Variants in PPP2R2C observed in about 807,000 individuals in gnomAD.
PPP2R2C encodes the protein protein phosphatase 2 regulatory subunit Bgamma, also known as protein phosphatase 2, regulatory subunit B, gamma.
PPP2R2C carries 10 observed loss-of-function variants against 45.3 expected under a neutral mutation model. The ratio of observed to expected loss-of-function variants is 0.22; its 90% CI spans 0.14 to 0.37. The LOEUF (loss-of-function observed/expected upper bound fraction) is 0.37, where lower values mean the gene tolerates loss of function less well. Among genes scored for constraint, PPP2R2C ranks in the 10% least tolerant of loss-of-function variants. The pLI is 1.00. For missense variants in PPP2R2C, 308 were observed against 619.7 expected (o/e 0.50, Z 5.34); for synonymous variants, 257 against 245.4 (o/e 1.05, Z -0.44).
chr4:6,355,421 T>A (rs1026021795), intron 5 of PPP2R2C, among the ~76,000 whole-genome samples: 2 of 152,018 alleles, frequency 1.3e-5, no homozygotes, highest in African/African-American at 4.8e-5. Context: ...TAATGCTAGA[T>A]GACGAGTTAG....
intron 1 of PPP2R2C, among the ~76,000 whole-genome samples, chr4:6,386,886 T>G (rs1716253712): frequency 6.6e-6 from 1 of 152,068 alleles, no homozygotes; most frequent in African/African-American, 2.4e-5. Context: ...CAGAGAAATA[T>G]AAACAATTTA....
chr4:6,380,992 C>T lies in PPP2R2C; in HGVS notation c.168+5G>A, dbSNP rs745734094. On this transcript the variant is annotated splice_donor_5th_base_variant and intron_variant, in intron 2 of 8. Coordinates refer to ENST00000382599, the MANE Select transcript of PPP2R2C (RefSeq NM_020416.4). ...CCACCTCCCACCAGACCCAGGGCTT[C>T]GCACCTCTGGTTCCCGCTGGAAGAT... 2.6e-6 allele frequency: 4 copies of T among 1,514,058 alleles called. No homozygotes were observed. Among genetic ancestry groups the T allele is most frequent in the Non-Finnish European group, 3.6e-6 (4 of 1,125,132 alleles). 93.8% of individuals were successfully genotyped at this position (1,514,058 alleles called of 1,614,324 possible). A position where few individuals can be genotyped will look rare whatever the true frequency, so the allele number is the denominator to read the frequency against.
Position 6,471,952 on chromosome 4 carries a change from C to A in PPP2R2C, c.70+208G>T, listed in dbSNP as rs962187342. 6.7e-6 allele frequency among the ~76,000 whole-genome samples: 1 copy of A among 148,656 alleles called. No individual in the cohort carries two copies. The highest frequency in any genetic ancestry group is 2.1e-4 in the South Asian group (1 of 4,672). On this transcript the variant is annotated intron_variant, in intron 1 of 8. Transcript: ENST00000382599. This position sits in a 1 kb window ranked among gnomAD's most constrained non-coding sequence, Gnocchi z 5.6. ...GCTGCCCTGTGCCGGCGCTGGGCAG[C>A]GGAGGCCGGTACCCTCGGGCTCCCT...
intron 1 of PPP2R2C, chr4:6,414,050 G>GACAGTAAC (rs1313051061): frequency 6.6e-7 from 1 of 1,506,168 alleles, no homozygotes; most frequent in African/African-American, 1.4e-5. Flanking sequence ...TTATGCATGG[G>GACAGTAAC]ACAGTAACAT....
intron 5 of PPP2R2C, chr4:6,351,413 G>C: frequency 6.1e-6 from 6 of 980,854 alleles, no homozygotes; most frequent in Non-Finnish European, 7.3e-6. Flanking sequence ...CGGCAACCCA[G>C]GGCCGGCTGA....
At chr4:6,325,926 G>A (rs1374493637) in intron 8 of PPP2R2C, among the ~76,000 whole-genome samples, 1 of 152,214 alleles carries the variant, frequency 6.6e-6, no homozygotes, top group Non-Finnish European at 1.5e-5. Context: ...TGTAATCCCA[G>A]CTACTTGGGA....
At chr4:6,397,095 C>G (rs531602915) in intron 1 of PPP2R2C, among the ~76,000 whole-genome samples, 1 of 152,272 alleles carries the variant, frequency 6.6e-6, no homozygotes, top group Non-Finnish European at 1.5e-5. Context: ...AGGAATCCTT[C>G]AATCCCAGTG....
At chr4:6,360,661 C>T (rs977556831) in intron 5 of PPP2R2C, among the ~76,000 whole-genome samples, 1 of 152,250 alleles carries the variant, frequency 6.6e-6, no homozygotes, top group Non-Finnish European at 1.5e-5. Context: ...TGAAAAACTG[C>T]TTTTTCAGCA....
At chr4:6,436,937 G>T (rs1341327649) in intron 1 of PPP2R2C, among the ~76,000 whole-genome samples, 1 of 152,132 alleles carries the variant, frequency 6.6e-6, no homozygotes, top group East Asian at 1.9e-4. Context: ...TTCACAGATG[G>T]GCTTTGACCC....
At chr4:6,409,393 T>A (rs944226979) in intron 1 of PPP2R2C, among the ~76,000 whole-genome samples, 1 of 152,122 alleles carries the variant, frequency 6.6e-6, no homozygotes, top group African/African-American at 2.4e-5. Flanking sequence ...ATGGTGTCAG[T>A]GAGCTTCCTG....
At chr4:6,446,794 C>T (rs28559735) in intron 1 of PPP2R2C, among the ~76,000 whole-genome samples, 4,403 of 152,000 alleles carry the variant, frequency 0.029, 207 homozygotes, top group African/African-American at 0.099. Flanking sequence ...GCTGCTGTTA[C>T]CATTCAGCAG....
intron 1 of PPP2R2C, among the ~76,000 whole-genome samples, chr4:6,402,186 G>A (rs1280688976): frequency 6.6e-6 from 1 of 152,202 alleles, no homozygotes; most frequent in Non-Finnish European, 1.5e-5. Context: ...AGGCAAAGGT[G>A]CCCTGCTCAG....
intron 1 of PPP2R2C, among the ~76,000 whole-genome samples, chr4:6,424,842 G>C (rs963793353): frequency 7.9e-5 from 12 of 152,308 alleles, no homozygotes; most frequent in South Asian, 2.1e-4. Context: ...TTGGAGGTGA[G>C]AGTGAGCCAA....
At position 6,332,548 on chromosome 4, in the gene PPP2R2C, C is replaced by G. The variant is rs1462710545; in HGVS notation, c.960+1014G>C. Among the ~76,000 whole-genome samples the G allele has an allele frequency of 6.6e-6, 1 of 152,210 alleles. No individual in the cohort carries two copies. The highest frequency in any genetic ancestry group is 6.5e-5 in the Admixed American group (1 of 15,286). On this transcript the variant is annotated intron_variant, in intron 7 of 8. Coordinates refer to ENST00000382599, the MANE Select transcript of PPP2R2C (RefSeq NM_020416.4). The surrounding 1 kb of genome is among the most constrained non-coding windows in gnomAD (Gnocchi z 4.9). The stretch of plus-strand genomic sequence containing the variant: ...AGCTCTGCACCAGTTCCCAGCGAGG[C>G]CTGCGCCACCCAGGACGCTTTCCTA...
intron 2 of PPP2R2C, among the ~76,000 whole-genome samples, chr4:6,535,117 G>A (rs1480814202): frequency 3.3e-5 from 5 of 152,100 alleles, no homozygotes; most frequent in African/African-American, 4.8e-5. Context: ...AGGGTCGGGG[G>A]CCCAGGGGCC....
chr4:6,432,355 T>C (rs911684885), intron 1 of PPP2R2C, among the ~76,000 whole-genome samples: 1 of 152,232 alleles, frequency 6.6e-6, no homozygotes, highest in African/African-American at 2.4e-5. Context: ...CTCGACTGAT[T>C]CAGCAGACAT....
intron 1 of PPP2R2C, among the ~76,000 whole-genome samples, chr4:6,416,903 G>A (rs1233227981): frequency 6.6e-6 from 1 of 152,296 alleles, no homozygotes; most frequent in African/African-American, 2.4e-5. Flanking sequence ...GACTGACGCT[G>A]GAGTATTGGG....
intron 1 of PPP2R2C, among the ~76,000 whole-genome samples, chr4:6,421,866 A>C (rs1718997989): frequency 6.6e-6 from 1 of 152,208 alleles, no homozygotes; most frequent in Non-Finnish European, 1.5e-5. Flanking sequence ...AGGTCTGCTT[A>C]CCTTCAATAA....
rs78801211 is a variant in PPP2R2C at position 6,520,452 on chromosome 4, G to C, written c.49+14819C>G. On this transcript the variant is annotated intron_variant, in intron 2 of 9. Transcript: ENST00000506140. ...GCAGAGTGGATTCCATCCCAGGCCA[G>C]CAGCAGCCCTGTCAATACTGTCAGG... 7.1e-3 allele frequency among the ~76,000 whole-genome samples: 1,085 copies of C among 152,338 alleles called. 16 individuals carry two copies. The highest frequency in any genetic ancestry group is 0.025 in the African/African-American group (1,037 of 41,574).
Sources: gnomAD v4.1 joint callset for allele counts (sites outside exome capture counted in the v4.1 genomes callset) on GRCh38, gnomAD v4.1.1 for gene constraint, Gnocchi (gnomAD v3.1) non-coding constraint, MANE v1.5 for transcripts, NCBI Gene and HGNC (gene_info 2026-07-23, HGNC 2026-07-21) for gene names.